Variants in NARS2 observed in about 807,000 individuals in gnomAD.
NARS2 encodes asparaginyl-tRNA synthetase.
Under a neutral mutation model 62.9 loss-of-function variants are expected in NARS2, and 60 were observed. The observed-to-expected ratio is 0.95, with a 90% CI of 0.77 to 1.18. NARS2 has a LOEUF of 1.18. Ranked by LOEUF, NARS2 falls within the 50% of genes most tolerant of loss-of-function variation. The probability of loss-of-function intolerance (pLI) is 0.00; values close to 1 mark genes in which losing one functional copy is unlikely to be tolerated. For missense variants in NARS2, 619 were observed against 576.4 expected (o/e 1.07, Z -0.76); for synonymous variants, 196 against 200.0 (o/e 0.98, Z 0.17).
chr11:78,491,856 G>C (rs1406458309), intron 7 of NARS2, among the ~76,000 whole-genome samples: 1 of 152,072 alleles, frequency 6.6e-6, no homozygotes, highest in Admixed American at 6.6e-5. Flanking sequence ...TTCTATTTGT[G>C]ATATATATGG....
chr11:78,569,825 G>C (rs1295781870), intron 2 of NARS2, among the ~76,000 whole-genome samples: 1 of 152,052 alleles, frequency 6.6e-6, no homozygotes, highest in Non-Finnish European at 1.5e-5. Flanking sequence ...TAAAATCTAG[G>C]TCCCATTAGA....
At chr11:78,545,538 T>G (rs1469052044) in intron 5 of NARS2, among the ~76,000 whole-genome samples, 1 of 151,338 alleles carries the variant, frequency 6.6e-6, no homozygotes, top group Non-Finnish European at 1.5e-5. Context: ...TTTTTTTTTT[T>G]TTTTGAGACA....
intron 5 of NARS2, among the ~76,000 whole-genome samples, chr11:78,549,854 G>A (rs1182835005): frequency 6.6e-6 from 1 of 152,080 alleles, no homozygotes; most frequent in Non-Finnish European, 1.5e-5. Flanking sequence ...CTGGTAGGGG[G>A]TGGGAGGGAG....
In NARS2 at chr11:78,470,391, A is replaced by T. The variant is rs181600156; in HGVS notation, c.960-1078T>A. 5.9e-5 allele frequency among the ~76,000 whole-genome samples: 9 copies of T among 152,246 alleles called. No homozygotes were observed. The East Asian group carries it at 1.7e-3, about 29-fold the overall frequency. ...AGAGAAACCTAGTTCCTTTCCTTTCACACAATCACTGTTATTGGTATTGTG... is the reference window on the plus strand; with the variant it reads ...AGAGAAACCTAGTTCCTTTCCTTTCTCACAATCACTGTTATTGGTATTGTG... On this transcript the variant is annotated intron_variant, in intron 9 of 13. Transcript: ENST00000281038.
intron 4 of NARS2, among the ~76,000 whole-genome samples, chr11:78,562,022 G>A (rs1489116544): frequency 6.6e-6 from 1 of 151,180 alleles, no homozygotes; most frequent in African/African-American, 2.5e-5. Flanking sequence ...GTGACACGGC[G>A]AGACTCTGTC....
chr11:78,450,474 T>A (rs1351704942), intron 11 of NARS2, among the ~76,000 whole-genome samples: 1 of 152,114 alleles, frequency 6.6e-6, no homozygotes, highest in Non-Finnish European at 1.5e-5. Context: ...AAATTCACAT[T>A]CTCTCCAGTG....
At chr11:78,508,573 G>A (rs1029941467) in intron 6 of NARS2, among the ~76,000 whole-genome samples, 1 of 147,158 alleles carries the variant, frequency 6.8e-6, no homozygotes, top group Non-Finnish European at 1.5e-5. Context: ...AAGTGACAGA[G>A]GGTGACTCCA....
At chr11:78,530,061 A>G (rs1388935543) in intron 5 of NARS2, among the ~76,000 whole-genome samples, 1 of 152,162 alleles carries the variant, frequency 6.6e-6, no homozygotes, top group Non-Finnish European at 1.5e-5. Flanking sequence ...TAAAAAATGT[A>G]CTGTAAAAAT....
At position 78,521,819 on chromosome 11, in the gene NARS2, G is replaced by A. The variant is rs183315522; in HGVS notation, c.689+7023C>T. Among the ~76,000 whole-genome samples, 1,308 of 146,482 alleles carry A rather than the reference G, an allele frequency of 8.9e-3. 12 individuals are homozygous for A. The highest frequency in any genetic ancestry group is 0.013 in the Non-Finnish European group (883 of 66,814). On this transcript the variant is annotated intron_variant, in intron 6 of 13. Transcript: ENST00000281038. ...AAAAAAAAAAAAAAAAGAAAAGCCC[G>A]GATACATGGTTGTAGCCTTTTTGTA...
At chr11:78,495,512 T>C (rs1860020496) in intron 6 of NARS2, among the ~76,000 whole-genome samples, 1 of 152,180 alleles carries the variant, frequency 6.6e-6, no homozygotes, top group Admixed American at 6.5e-5. Context: ...CTAAGTTATT[T>C]TTCTCCCCCA....
chr11:78,571,243 AG>A (rs1191930166), intron 2 of NARS2, 91 bp downstream of exon 2: 1 of 726,026 alleles, frequency 1.4e-6, no homozygotes, highest in Non-Finnish European at 2.4e-6. Context: ...AAGATTACTC[AG>A]GGGTCCAACG....
chr11:78,459,068 C>G (rs774710413), intron 11 of NARS2, among the ~76,000 whole-genome samples: 11 of 152,032 alleles, frequency 7.2e-5, no homozygotes, highest in Non-Finnish European at 1.3e-4. Context: ...GTGCCTGCCA[C>G]CATGCCTGGC....
chr11:78,476,320 G>A (rs1208105506), intron 9 of NARS2, among the ~76,000 whole-genome samples: 1 of 152,166 alleles, frequency 6.6e-6, no homozygotes, highest in Non-Finnish European at 1.5e-5. Flanking sequence ...CTTACCCCCA[G>A]GGTTCCCTGT....
At position 78,448,724 on chromosome 11, in the gene NARS2, T is replaced by C. The variant is rs548469856; in HGVS notation, c.1165-4966A>G. On this transcript the variant is annotated intron_variant, in intron 11 of 13. Transcript: ENST00000281038. ...AGACTATGGAATAACCGGAAGGAGG[T>C]AGACCAGATGAGACTGGTGGCCAGT... Among the ~76,000 whole-genome samples the C allele has an allele frequency of 1.2e-4, 19 of 152,200 alleles. No homozygotes were observed. In the East Asian group the frequency reaches 1.5e-3, roughly 12 times the overall value.
At chr11:78,559,738 A>C in intron 4 of NARS2, 119 bp from the exon 5 acceptor site, 2 of 643,928 alleles carry the variant, frequency 3.1e-6, no homozygotes, top group South Asian at 1.9e-5. Context: ...TCCCTCCCTA[A>C]TCCCCTAAAT....
At chr11:78,443,852 G>T in intron 11 of NARS2, 94 bp from the exon 12 acceptor site, 1 of 799,092 alleles carries the variant, frequency 1.3e-6, no homozygotes. Flanking sequence ...TTTGGCAATG[G>T]CTAATTAACT....
At chr11:78,468,017 CTTTG>C (rs1345441542) in intron 10 of NARS2, among the ~76,000 whole-genome samples, 3 of 136,254 alleles carry the variant, frequency 2.2e-5, no homozygotes, top group African/African-American at 8.4e-5. Flanking sequence ...CCTATACAAT[CTTTG>C]TTTATCAAGT....
intron 11 of NARS2, among the ~76,000 whole-genome samples, chr11:78,461,890 G>T (rs1418077830): frequency 1.3e-5 from 2 of 151,890 alleles, no homozygotes; most frequent in Non-Finnish European, 2.9e-5. Flanking sequence ...GAGACAGAGG[G>T]TGCAATGAGC....
chr11:78,506,262 CAATTACTTCAGCA>C (rs1258783072), intron 6 of NARS2, among the ~76,000 whole-genome samples: 1 of 152,162 alleles, frequency 6.6e-6, no homozygotes, highest in Non-Finnish European at 1.5e-5. Context: ...GTAAATAATA[CAATTACTTCAGCA>C]AATTACTTGG....
Sources: allele counts gnomAD v4.1 joint callset (sites outside exome capture counted in the v4.1 genomes callset), GRCh38; gene constraint gnomAD v4.1.1; transcripts MANE v1.5; gene names NCBI Gene and HGNC (gene_info 2026-07-23, HGNC 2026-07-21).